The following MYT1L variants were observed in gnomAD, a reference collection of about 807,000 sequenced individuals.
The protein encoded by MYT1L is myelin transcription factor 1-like protein.
In MYT1L, 12 loss-of-function variants were observed where a neutral mutation model predicts 126.7. The ratio of observed to expected loss-of-function variants is 0.09; its 90% CI spans 0.06 to 0.15. The LOEUF is 0.15. Among genes scored for constraint, MYT1L ranks in the 10% least tolerant of loss-of-function variants. The pLI is 1.00. For missense variants in MYT1L, 979 were observed against 1,585.2 expected (o/e 0.62, Z 6.49); for synonymous variants, 541 against 604.2 (o/e 0.90, Z 1.53).
At chr2:2,098,039 T>C (rs1294544779) in intron 3 of MYT1L, among the ~76,000 whole-genome samples, 1 of 152,186 alleles carries the variant, frequency 6.6e-6, no homozygotes, top group East Asian at 1.9e-4. Flanking sequence ...CCTTCCACCA[T>C]GATTGGAAGC....
intron 2 of MYT1L, among the ~76,000 whole-genome samples, chr2:2,276,574 C>T (rs1486854205): frequency 6.6e-6 from 1 of 152,162 alleles, no homozygotes; most frequent in African/African-American, 2.4e-5. Flanking sequence ...TCACCTTGGT[C>T]CTCCTGACAT....
intron 4 of MYT1L, among the ~76,000 whole-genome samples, chr2:2,052,121 G>T (rs1288296380): frequency 2.0e-5 from 3 of 152,150 alleles, no homozygotes; most frequent in East Asian, 1.9e-4. Context: ...GAACAGAATA[G>T]AGAACCCAGA....
intron 21 of MYT1L, among the ~76,000 whole-genome samples, chr2:1,834,924 TGGATA>T: frequency 8.4e-6 from 1 of 118,906 alleles, no homozygotes; most frequent in African/African-American, 4.6e-5. Context: ...ACCACGGGGA[TGGATA>T]CAGGTACTCC....
intron 2 of MYT1L, among the ~76,000 whole-genome samples, chr2:2,264,562 G>A (rs1009985713): frequency 6.6e-6 from 1 of 152,158 alleles, no homozygotes; most frequent in Non-Finnish European, 1.5e-5. Context: ...AATTCTGCGG[G>A]GTTGGCTTCG....
chr2:1,899,157 C>A (rs1462374894), intron 14 of MYT1L, among the ~76,000 whole-genome samples: 1 of 152,168 alleles, frequency 6.6e-6, no homozygotes, highest in African/African-American at 2.4e-5. Context: ...CAGGGGTTGG[C>A]AACTTTTTCT....
chr2:2,065,100 AG>A (rs1278658117), intron 3 of MYT1L, among the ~76,000 whole-genome samples: 2 of 152,140 alleles, frequency 1.3e-5, no homozygotes, highest in African/African-American at 2.4e-5. Context: ...TAAGACACTG[AG>A]GTAGAAGCAT....
At chr2:2,286,694 A>C (rs1317504659) in intron 1 of MYT1L, among the ~76,000 whole-genome samples, 2 of 152,276 alleles carry the variant, frequency 1.3e-5, no homozygotes, top group East Asian at 3.9e-4. Context: ...CTACACTTGG[A>C]CACAGCAGGA....
chr2:1,893,109 C>T (rs756953117), intron 14 of MYT1L, among the ~76,000 whole-genome samples: 1 of 152,168 alleles, frequency 6.6e-6, no homozygotes, highest in Non-Finnish European at 1.5e-5. Flanking sequence ...TCCCACTGCC[C>T]AGTAATCCTT....
intron 21 of MYT1L, among the ~76,000 whole-genome samples, chr2:1,831,137 C>A (rs1301214149): frequency 6.6e-6 from 1 of 151,730 alleles, no homozygotes; most frequent in Non-Finnish European, 1.5e-5. Context: ...ACTCGGGTGC[C>A]CGACGCGTGT....
At chr2:2,325,499 C>T (rs1214293762) in intron 1 of MYT1L, 1 of 152,108 alleles carries the variant, frequency 6.6e-6, no homozygotes, top group African/African-American at 2.4e-5. Flanking sequence ...TTTAAAATAG[C>T]TAAGGGAACA....
At chr2:1,968,375 G>A (rs936820792) in intron 8 of MYT1L, among the ~76,000 whole-genome samples, 1 of 152,276 alleles carries the variant, frequency 6.6e-6, no homozygotes, top group East Asian at 1.9e-4. Context: ...GAATTGCTAT[G>A]TATTATTTAT....
intron 21 of MYT1L, among the ~76,000 whole-genome samples, chr2:1,838,281 T>TA (rs1008784158): frequency 3.9e-5 from 6 of 152,040 alleles, no homozygotes; most frequent in African/African-American, 7.2e-5. Context: ...CTTTAATAAT[T>TA]AAAAAAAATC....
chr2:2,275,453 A>G (rs980749690), intron 2 of MYT1L, among the ~76,000 whole-genome samples: 8 of 152,060 alleles, frequency 5.3e-5, no homozygotes, highest in Non-Finnish European at 1.0e-4. Flanking sequence ...CTACCTATAT[A>G]TGACATGCTG....
At chr2:2,183,999 G>GGGAGAA (rs1436166086) in intron 2 of MYT1L, among the ~76,000 whole-genome samples, 1 of 147,438 alleles carries the variant, frequency 6.8e-6, no homozygotes, top group Non-Finnish European at 1.5e-5. Flanking sequence ...GAAAGGGGGA[G>GGGAGAA]GGAGAAAGAG....
intron 2 of MYT1L, among the ~76,000 whole-genome samples, chr2:2,251,323 G>A (rs190216291): frequency 1.3e-5 from 2 of 152,192 alleles, no homozygotes; most frequent in Admixed American, 1.3e-4. Context: ...TGACCTAGAC[G>A]TGGAGATACG....
chr2:1,979,158 G>A lies in MYT1L; in HGVS notation c.152+7C>T. 1 of 1,611,296 alleles carries A rather than the reference G, an allele frequency of 6.2e-7. No individual in the cohort carries two copies. Among genetic ancestry groups the A allele is most frequent in the Non-Finnish European group, 8.5e-7 (1 of 1,178,416 alleles). Reference sequence around the variant, plus strand: ...GCACATTGTGGAAAAAAAAATGCAGGCATTACCTTCTGTGTCTTGCATATT... The same window carrying A: ...GCACATTGTGGAAAAAAAAATGCAGACATTACCTTCTGTGTCTTGCATATT... On this transcript the variant is annotated splice_region_variant and intron_variant, in intron 8 of 24. Coordinates refer to ENST00000647738, the MANE Select transcript of MYT1L (RefSeq NM_001303052.2). This position sits in a 1 kb window ranked among gnomAD's most constrained non-coding sequence, Gnocchi z 4.0.
chr2:2,019,877 G>A (rs2149818770), intron 4 of MYT1L, among the ~76,000 whole-genome samples: 1 of 151,788 alleles, frequency 6.6e-6, no homozygotes, highest in East Asian at 1.9e-4. Flanking sequence ...GATATGGTAT[G>A]CTCTGTCACC....
At chr2:2,046,471 C>T (rs888370028) in intron 4 of MYT1L, among the ~76,000 whole-genome samples, 1 of 152,116 alleles carries the variant, frequency 6.6e-6, no homozygotes, top group Non-Finnish European at 1.5e-5. Context: ...GTAATGAATG[C>T]AATAAAAATA....
chr2:2,206,047 A>G (rs963286727), intron 2 of MYT1L, among the ~76,000 whole-genome samples: 1 of 149,908 alleles, frequency 6.7e-6, no homozygotes, highest in Non-Finnish European at 1.5e-5. Flanking sequence ...CAGTGGCATG[A>G]TTTTGGCCCA....
Sources: allele counts gnomAD v4.1 joint callset (sites outside exome capture counted in the v4.1 genomes callset), GRCh38; gene constraint gnomAD v4.1.1; non-coding constraint Gnocchi (gnomAD v3.1); transcripts MANE v1.5; gene names NCBI Gene and HGNC (gene_info 2026-07-23, HGNC 2026-07-21).